Variants in ANKRD30A observed in about 807,000 individuals in gnomAD.
ANKRD30A encodes ankyrin repeat domain-containing protein 30A.
A neutral mutation model predicts 166.3 loss-of-function variants in ANKRD30A; 170 were observed. The ratio of observed to expected loss-of-function variants is 1.02; its 90% CI spans 0.90 to 1.16. The LOEUF is 1.16. Ranked by LOEUF, ANKRD30A falls within the 50% of genes most tolerant of loss-of-function variation. ANKRD30A has a pLI of 0.00. For missense variants in ANKRD30A, 1,630 were observed against 1,518.0 expected (o/e 1.07, Z -1.23); for synonymous variants, 564 against 508.9 (o/e 1.11, Z -1.46).
chr10:37,194,411 G>A (rs58746992), intron 27 of ANKRD30A, among the ~76,000 whole-genome samples: 1 of 150,166 alleles, frequency 6.7e-6, no homozygotes, highest in Non-Finnish European at 1.5e-5. Context: ...GCGCCATCTC[G>A]GCTCATGCAA....
chr10:37,232,652 TTTTATATATATATATATATA>T (rs1430541410), downstream of ANKRD30A: 2 of 22,190 alleles, frequency 9.0e-5, no homozygotes, highest in East Asian at 2.3e-3. Flanking sequence ...GAAGCATTGG[TTTTATATATATATATATATA>T]TATATATATA....
chr10:37,215,565 G>A (rs1287293861), intron 31 of ANKRD30A, among the ~76,000 whole-genome samples: 1 of 151,288 alleles, frequency 6.6e-6, no homozygotes, highest in Non-Finnish European at 1.5e-5. Context: ...CCTGTGTCAC[G>A]TCTTGGAATC....
At chr10:37,227,006 A>G (rs1008332837) in intron 34 of ANKRD30A, among the ~76,000 whole-genome samples, 18 of 151,848 alleles carry the variant, frequency 1.2e-4, no homozygotes, top group African/African-American at 4.4e-4. Flanking sequence ...CCATTTTCTA[A>G]TTGGGCCATC....
intron 15 of ANKRD30A, among the ~76,000 whole-genome samples, chr10:37,161,896 A>G (rs946709762): frequency 1.3e-5 from 2 of 152,198 alleles, no homozygotes; most frequent in Admixed American, 1.3e-4. Context: ...CTGAATTTAT[A>G]CTTGAATAAT....
chr10:37,130,155 T>C (rs775167284), intron 2 of ANKRD30A, 50 bp from the exon 3 acceptor site: 11 of 1,193,404 alleles, frequency 9.2e-6, no homozygotes, highest in Non-Finnish European at 1.2e-5. Flanking sequence ...TATAATAATT[T>C]ATATTATAAA....
At chr10:37,159,897 T>G (rs1361848353) in intron 15 of ANKRD30A, among the ~76,000 whole-genome samples, 1 of 152,144 alleles carries the variant, frequency 6.6e-6, no homozygotes, top group Non-Finnish European at 1.5e-5. Context: ...GGTTTCAGTG[T>G]GTTAGCCAGG....
chr10:37,126,004 A>G lies in ANKRD30A; in HGVS notation c.217A>G (p.Lys73Glu), dbSNP rs747988956. 10 of 1,611,884 alleles carry G rather than the reference A, an allele frequency of 6.2e-6. No homozygotes were observed. In the Admixed American group the frequency reaches 6.7e-5, roughly 11 times the overall value. The change falls in exon 1 of 36, where the codon AAG (lysine) becomes GAG (glutamate). Residue 73 changes from lysine to glutamate, a missense_variant. Lys to Glu is a moderately conservative substitution (Grantham distance 56, BLOSUM62 1). Around this residue, in one of 4 missense-constraint regions of ANKRD30A, gnomAD observed 904 missense variants for 818.5 expected, o/e 1.10. Transcript: ENST00000361713. ...TINLNIQDAQ[K>E]RTALHWACVN... is the part of the protein sequence containing the mutation. ...CAACCTTAATATACAAGACGCCCAGAAGAGGTACCAGGCCCTGCCTGAGCC... is the reference window on the plus strand; with the variant it reads ...CAACCTTAATATACAAGACGCCCAGGAGAGGTACCAGGCCCTGCCTGAGCC...
chr10:37,232,438 A>C (rs1843454259), intron 35 of ANKRD30A, 61 bp from the exon 36 acceptor site: 1 of 150,942 alleles, frequency 6.6e-6, no homozygotes, highest in African/African-American at 2.4e-5. Flanking sequence ...TACGGCGATG[A>C]TATTGAGTCT....
chr10:37,167,317 T>A (rs907801908), intron 19 of ANKRD30A, among the ~76,000 whole-genome samples: 6 of 145,494 alleles, frequency 4.1e-5, no homozygotes, highest in Admixed American at 4.0e-4. Context: ...TGTGCATGTA[T>A]GTATGTTTTT....
chr10:37,219,070 A>G lies in ANKRD30A; in HGVS notation c.3358A>G (p.Thr1120Ala), dbSNP rs769992958. Residue 1120 changes from threonine to alanine, a missense_variant, in exon 34 of 36, where the codon ACA becomes GCA. Physicochemically the swap from Thr to Ala is moderately conservative, Grantham distance 58. This residue lies in a region of ANKRD30A where 712 missense variants were observed against 629.3 expected (regional missense o/e 1.13). Coordinates refer to ENST00000361713, the MANE Select transcript of ANKRD30A (RefSeq NM_052997.3). ...EIAMLKLEIA[T>A]LKHQYQEKEN... ...TGCCATGCTAAAACTGGAAATAGCC[A>G]CACTGAAACACCAATACCAGGAAAA... is the stretch of plus-strand genomic sequence containing the variant. The G allele has an allele frequency of 5.0e-6, 8 of 1,608,190 alleles. No homozygotes were observed. In the African/African-American group the frequency reaches 6.7e-5, roughly 13 times the overall value.
chr10:37,158,356 G>C, intron 13 of ANKRD30A, 36 bp from the exon 14 acceptor site: 1 of 1,597,150 alleles, frequency 6.3e-7, no homozygotes, highest in Non-Finnish European at 8.6e-7. Flanking sequence ...TGTCAGGCTT[G>C]CATATAATCA....
At position 37,132,329 on chromosome 10, in the gene ANKRD30A, A is replaced by G. The variant is rs1417725451; in HGVS notation, c.600A>G (p.Ala200=). ...TGATAAAAAATGCAAATGCGAATGC[A>G]GTTAATAAGTATAAATGGTATAGTA... ...FLLIKNANAN[A]VNKYKCTALM... Residue 200 remains alanine (A), a synonymous_variant, in exon 4 of 36, where the codon GCA becomes GCG. Coordinates refer to ENST00000361713, the MANE Select transcript of ANKRD30A (RefSeq NM_052997.3). 6.3e-7 allele frequency: 1 copy of G among 1,596,024 alleles called. No individual in the cohort carries two copies. Among genetic ancestry groups the G allele is most frequent in the Admixed American group, 1.7e-5 (1 of 58,552 alleles).
chr10:37,157,558 G>A (rs1838481562), intron 13 of ANKRD30A, among the ~76,000 whole-genome samples: 1 of 152,104 alleles, frequency 6.6e-6, no homozygotes, highest in African/African-American at 2.4e-5. Context: ...TGGAGACAGT[G>A]TTTCCAAAAT....
At position 37,219,747 on chromosome 10, in the gene ANKRD30A, C is replaced by T; in HGVS notation, c.4035C>T (p.Asp1345=). The T allele has an allele frequency of 6.2e-7, 1 of 1,608,200 alleles. No homozygotes were observed. The highest frequency in any genetic ancestry group is 8.5e-7 in the Non-Finnish European group (1 of 1,176,686). Residue 1345 remains aspartate, a synonymous_variant, in exon 34 of 36, where the codon GAC becomes GAT. Transcript: ENST00000361713. The part of the protein sequence containing the change: ...QQLVHAHKKA[D]NKSKITIDIH... ...TAGTTCATGCACATAAGAAAGCTGA[C>T]AACAAAAGCAAGATAACAATTGATA...
the ANKRD30A span, among the ~76,000 whole-genome samples, chr10:37,251,255 T>C: frequency 6.6e-6 from 1 of 152,206 alleles, no homozygotes; most frequent in Non-Finnish European, 1.5e-5. Flanking sequence ...ATATGACAAC[T>C]GATTGGAGTA....
At chr10:37,228,488 A>G (rs1843263186) in intron 34 of ANKRD30A, among the ~76,000 whole-genome samples, 1 of 152,000 alleles carries the variant, frequency 6.6e-6, no homozygotes, top group Non-Finnish European at 1.5e-5. Context: ...TAAATACTCA[A>G]TACTGCTTAG....
chr10:37,221,405 A>T (rs1472311790), intron 34 of ANKRD30A, among the ~76,000 whole-genome samples: 1 of 151,192 alleles, frequency 6.6e-6, no homozygotes, highest in Non-Finnish European at 1.5e-5. Context: ...AGGTTACATC[A>T]CATTATCACA....
chr10:37,200,367 A>T (rs1841521743), intron 30 of ANKRD30A, among the ~76,000 whole-genome samples: 1 of 152,082 alleles, frequency 6.6e-6, no homozygotes, highest in South Asian at 2.1e-4. Context: ...AAAAATATAA[A>T]TTATATTTTC....
intron 34 of ANKRD30A, among the ~76,000 whole-genome samples, chr10:37,226,595 G>A (rs559348971): frequency 1.3e-5 from 2 of 151,960 alleles, no homozygotes; most frequent in Middle Eastern, 6.8e-3. Flanking sequence ...CCACTCATCA[G>A]TTGATAGATC....
Sources: gnomAD v4.1 joint callset for allele counts (sites outside exome capture counted in the v4.1 genomes callset) on GRCh38, gnomAD v4.1.1 for gene constraint, gnomAD v4.1.1 regional missense constraint, MANE v1.5 for transcripts, NCBI Gene and HGNC (gene_info 2026-07-23, HGNC 2026-07-21) for gene names.